The following KLHL8 variants were observed in gnomAD, a reference collection of about 807,000 sequenced individuals.
The protein encoded by KLHL8 is kelch-like protein 8.
In KLHL8, 38 loss-of-function variants were observed where a neutral mutation model predicts 63.5. The observed-to-expected ratio is 0.60, with a 90% CI of 0.46 to 0.78. The LOEUF (loss-of-function observed/expected upper bound fraction) is 0.78. Ranked by LOEUF, KLHL8 falls within the 30% of genes least tolerant of loss-of-function variation. The pLI, the probability that KLHL8 is intolerant of heterozygous loss-of-function variation, is 0.00. For missense variants in KLHL8, 566 were observed against 752.4 expected (o/e 0.75, Z 2.90); for synonymous variants, 224 against 254.3 (o/e 0.88, Z 1.13).
intron 1 of KLHL8, among the ~76,000 whole-genome samples, chr4:87,215,119 T>C (rs1411238325): frequency 6.6e-6 from 1 of 152,178 alleles, no homozygotes; most frequent in Non-Finnish European, 1.5e-5. Flanking sequence ...AAGGTTTAAG[T>C]GTAGGAGAAG....
chr4:87,204,297 C>G (rs1196431490), intron 1 of KLHL8, among the ~76,000 whole-genome samples: 2 of 151,616 alleles, frequency 1.3e-5, no homozygotes, highest in Admixed American at 1.3e-4. Flanking sequence ...ATAAACAATA[C>G]TAACAATACC....
At chr4:87,239,666 C>T (rs561318731) in intron 1 of KLHL8, among the ~76,000 whole-genome samples, 20 of 152,110 alleles carry the variant, frequency 1.3e-4, no homozygotes, top group Admixed American at 5.9e-4. Context: ...GCAGGTGTTT[C>T]AGCAGTACTA....
chr4:87,234,984 T>G (rs1733201816), intron 1 of KLHL8, among the ~76,000 whole-genome samples: 1 of 152,174 alleles, frequency 6.6e-6, no homozygotes, highest in African/African-American at 2.4e-5. Context: ...AAAGAAAATA[T>G]TTTTGAATGG....
chr4:87,199,514 C>T (rs1182011426), intron 1 of KLHL8, among the ~76,000 whole-genome samples: 1 of 151,934 alleles, frequency 6.6e-6, no homozygotes, highest in East Asian at 1.9e-4. Context: ...AATGGGACAT[C>T]AAACTTTAAA....
At chr4:87,199,686 C>A (rs1731834806) in intron 1 of KLHL8, among the ~76,000 whole-genome samples, 1 of 151,528 alleles carries the variant, frequency 6.6e-6, no homozygotes, top group Non-Finnish European at 1.5e-5. Context: ...AATGAAGAAC[C>A]CAATTTTAAA....
At chr4:87,199,916 C>T (rs1731843418) in intron 1 of KLHL8, among the ~76,000 whole-genome samples, 1 of 151,512 alleles carries the variant, frequency 6.6e-6, no homozygotes, top group South Asian at 2.1e-4. Context: ...GGCTGATACT[C>T]GAGGATTGTT....
At chr4:87,226,434 A>G (rs1258944959) in intron 1 of KLHL8, among the ~76,000 whole-genome samples, 1 of 149,722 alleles carries the variant, frequency 6.7e-6, no homozygotes, top group Admixed American at 6.8e-5. Context: ...ATGGCGGTGC[A>G]CGCCTGTAGT....
In KLHL8 at chr4:87,163,558, A is replaced by G. The variant is rs148700376; in HGVS notation, c.1824T>C (p.Asp608=). The G allele has an allele frequency of 1.2e-4, 198 of 1,614,188 alleles. No individual in the cohort carries two copies. The highest frequency in any genetic ancestry group is 1.6e-4 in the Non-Finnish European group (190 of 1,180,010). The change falls in exon 10 of 10, where the codon GAT becomes GAC. Residue 608 remains aspartate (D), a synonymous_variant. Coordinates refer to ENST00000273963, the MANE Select transcript of KLHL8 (RefSeq NM_020803.5). ...CCACATTATTGGATCCATGACCTAC[A>G]TCTCGAATTTGGCTAGTTAAACAGG... ...VCSCLTSQIR[D]VGHGSNNVVD...
At chr4:87,168,760 G>A (rs1335922288) in intron 8 of KLHL8, among the ~76,000 whole-genome samples, 2 of 142,898 alleles carry the variant, frequency 1.4e-5, no homozygotes, top group African/African-American at 5.2e-5. Context: ...ATATATGTGT[G>A]TGTATATATA....
chr4:87,170,606 A>G lies in KLHL8; in HGVS notation c.1218T>C (p.Ile406=). ...TTGGGCCTCCTAAGGAAGCCAAGGCAATTCCTCGCCTGCAAAGACAATAAA... is the reference window on the plus strand; with the variant it reads ...TTGGGCCTCCTAAGGAAGCCAAGGCGATTCCTCGCCTGCAAAGACAATAAA... ...KASMNTKRRG[I]ALASLGGPIY... is the part of the protein sequence containing the mutation. Residue 406 remains isoleucine (I), a synonymous_variant, in exon 7 of 10, where the codon ATT becomes ATC. Transcript: ENST00000273963. 2 of 1,607,864 alleles carry G rather than the reference A, an allele frequency of 1.2e-6. No homozygotes were observed. The highest frequency in any genetic ancestry group is 1.7e-6 in the Non-Finnish European group (2 of 1,178,424).
intron 1 of KLHL8, among the ~76,000 whole-genome samples, chr4:87,230,407 C>T (rs534938377): frequency 7.9e-5 from 12 of 152,126 alleles, no homozygotes; most frequent in South Asian, 4.1e-4. Flanking sequence ...AGGGTGAAGA[C>T]GAATCTGGAG....
In KLHL8 at chr4:87,183,393, A is replaced by C. The variant is rs774339851; in HGVS notation, c.766-4T>G. 2.5e-6 allele frequency: 4 copies of C among 1,597,012 alleles called. No individual in the cohort carries two copies. Among genetic ancestry groups the C allele is most frequent in the East Asian group, 4.5e-5 (2 of 44,526 alleles). On this transcript the variant is annotated splice_polypyrimidine_tract_variant and splice_region_variant and intron_variant, in intron 3 of 9. Coordinates refer to ENST00000273963, the MANE Select transcript of KLHL8 (RefSeq NM_020803.5). ...CCGGCAACAATGGCAGGCGAACCTA[A>C]GATCATGAATAGTTGCAATACAACA... is the stretch of plus-strand genomic sequence containing the variant.
chr4:87,198,569 A>G lies in KLHL8; in HGVS notation c.-151-2879T>C, dbSNP rs543828409. ...TGCTCAATAAAAAAAGCCATGCAGT[A>G]TGATTCTATCTATATAACATTCTCA... On this transcript the variant is annotated intron_variant, in intron 1 of 9. Transcript: ENST00000273963. Among the ~76,000 whole-genome samples the G allele has an allele frequency of 8.5e-5, 13 of 152,354 alleles. 1 individual carries two copies. In the South Asian group the frequency reaches 2.7e-3, roughly 32 times the overall value.
chr4:87,203,312 C>T (rs922203082), intron 1 of KLHL8, among the ~76,000 whole-genome samples: 1 of 151,928 alleles, frequency 6.6e-6, no homozygotes, highest in African/African-American at 2.4e-5. Context: ...CCGAGATGGG[C>T]GGTTCACAAG....
At chr4:87,190,317 G>A (rs1731431772) in intron 2 of KLHL8, among the ~76,000 whole-genome samples, 1 of 151,906 alleles carries the variant, frequency 6.6e-6, no homozygotes, top group African/African-American at 2.4e-5. Flanking sequence ...GCATAACTTT[G>A]TAGGTAATAA....
intron 5 of KLHL8, among the ~76,000 whole-genome samples, chr4:87,177,102 T>C (rs763020557): frequency 6.6e-6 from 1 of 152,068 alleles, no homozygotes; most frequent in Non-Finnish European, 1.5e-5. Flanking sequence ...TGCTCTAATA[T>C]TATCGCCCCC....
At chr4:87,180,492 C>A (rs1178412388) in intron 4 of KLHL8, among the ~76,000 whole-genome samples, 1 of 152,156 alleles carries the variant, frequency 6.6e-6, no homozygotes, top group African/African-American at 2.4e-5. Context: ...TCCCATTATA[C>A]CTTATGAAGA....
At chr4:87,181,096 T>C (rs1018505352) in intron 4 of KLHL8, among the ~76,000 whole-genome samples, 11 of 151,930 alleles carry the variant, frequency 7.2e-5, no homozygotes, top group South Asian at 2.1e-4. Flanking sequence ...TTTAGTCAAA[T>C]TGTTTATAAG....
chr4:87,182,343 T>G (rs964513746), intron 4 of KLHL8, among the ~76,000 whole-genome samples: 2 of 152,238 alleles, frequency 1.3e-5, no homozygotes, highest in East Asian at 1.9e-4. Context: ...TAGGTAGGTG[T>G]ATGACTTTCA....
Sources: allele counts gnomAD v4.1 joint callset (sites outside exome capture counted in the v4.1 genomes callset), GRCh38; gene constraint gnomAD v4.1.1; transcripts MANE v1.5; gene names NCBI Gene and HGNC (gene_info 2026-07-23, HGNC 2026-07-21).